The following JAZF1 variants were observed in gnomAD, a reference collection of about 807,000 sequenced individuals.
The protein encoded by JAZF1 is JAZF zinc finger 1, also known as juxtaposed with another zinc finger protein 1.
In JAZF1, 8 loss-of-function variants were observed where a neutral mutation model predicts 26.4. That is an observed-to-expected ratio of 0.30 (90% confidence interval 0.18 to 0.55). The LOEUF is 0.55. Among genes scored for constraint, JAZF1 ranks in the 20% least tolerant of loss-of-function variants. The pLI is 0.94. For missense variants in JAZF1, 199 were observed against 322.0 expected, an observed-to-expected ratio of 0.62 and a Z score of 2.92; for synonymous variants, 126 against 122.3, an observed-to-expected ratio of 1.03 and a Z score of -0.20.
At chr7:28,055,708 G>A (rs999466916) in intron 1 of JAZF1, among the ~76,000 whole-genome samples, 13 of 152,142 alleles carry the variant, frequency 8.5e-5, no homozygotes, top group Admixed American at 3.3e-4. Context: ...TTGGAAGAGC[G>A]GCTGGCACAT....
rs1340623634 is a variant in JAZF1 at position 27,831,164 on chromosome 7, G to GTGTT, written c.*1632_*1635dup. The GTGTT allele has an allele frequency of 2.6e-4, 58 of 223,410 alleles. No individual in the cohort carries two copies. The highest frequency in any genetic ancestry group is 3.5e-4 in the Non-Finnish European group (39 of 111,640). 13.8% of individuals were successfully genotyped at this position (223,410 alleles called of 1,614,324 possible). On this transcript the variant is annotated 3_prime_UTR_variant, in exon 5 of 5. Coordinates refer to ENST00000283928, the MANE Select transcript of JAZF1 (RefSeq NM_175061.4). ...GATCTGAGGAAATTTTTAGAGGGCA[G>GTGTT]TGTTTTTATAAATACTTTGAATCCC...
At chr7:27,896,645 A>G (rs916857) in intron 2 of JAZF1, among the ~76,000 whole-genome samples, 65,505 of 152,032 alleles carry the variant, frequency 0.43, 14,294 homozygotes, top group East Asian at 0.56. Context: ...CTCACTACAC[A>G]ATGAAGTTTT....
At chr7:27,944,972 A>G (rs1295595281) in intron 2 of JAZF1, among the ~76,000 whole-genome samples, 1 of 152,124 alleles carries the variant, frequency 6.6e-6, no homozygotes, top group East Asian at 1.9e-4. Context: ...GACTGGTAAT[A>G]CATTTCGGAG....
chr7:28,096,608 C>G (rs1784389443), intron 1 of JAZF1, among the ~76,000 whole-genome samples: 1 of 152,204 alleles, frequency 6.6e-6, no homozygotes, highest in Admixed American at 6.5e-5. Context: ...TAAAACAGAA[C>G]TGCAGCTCAA....
intron 3 of JAZF1, chr7:27,843,029 A>C (rs529330303): frequency 2.7e-4 from 41 of 152,262 alleles, no homozygotes; most frequent in Non-Finnish European, 5.7e-4. Flanking sequence ...TCTCAGGGGG[A>C]AGGCACGTGG....
intron 3 of JAZF1, among the ~76,000 whole-genome samples, chr7:27,854,102 T>C (rs1783201033): frequency 6.6e-6 from 1 of 152,262 alleles, no homozygotes; most frequent in Non-Finnish European, 1.5e-5. Flanking sequence ...TCTTGTTGCA[T>C]GGATCCCTTT....
At chr7:28,033,408 A>C (rs936008249) in intron 1 of JAZF1, among the ~76,000 whole-genome samples, 1 of 152,206 alleles carries the variant, frequency 6.6e-6, no homozygotes, top group African/African-American at 2.4e-5. Context: ...GAGACACTCC[A>C]GGACCCAAAA....
chr7:28,154,905 C>T (rs1445531817), intron 1 of JAZF1, among the ~76,000 whole-genome samples: 3 of 149,180 alleles, frequency 2.0e-5, no homozygotes, highest in African/African-American at 5.0e-5. Context: ...TCAAAATAGA[C>T]AAAACATACT....
chr7:28,159,265 G>C (rs1231057838), intron 1 of JAZF1, among the ~76,000 whole-genome samples: 1 of 151,652 alleles, frequency 6.6e-6, no homozygotes, highest in African/African-American at 2.4e-5. Flanking sequence ...GGGGTTGATG[G>C]GAACTCCCTG....
chr7:28,114,425 G>T (rs1392320398), intron 1 of JAZF1, among the ~76,000 whole-genome samples: 1 of 151,576 alleles, frequency 6.6e-6, no homozygotes, highest in Admixed American at 6.6e-5. Context: ...TGCTTGCAGG[G>T]AGGCTGGCTT....
At chr7:27,953,637 T>G (rs6958293) in intron 2 of JAZF1, among the ~76,000 whole-genome samples, 1 of 152,216 alleles carries the variant, frequency 6.6e-6, no homozygotes, top group African/African-American at 2.4e-5. Flanking sequence ...CGAGGTGGCA[T>G]GCACACACCT....
At chr7:27,995,505 C>T (rs767311163) in intron 1 of JAZF1, among the ~76,000 whole-genome samples, 18 of 152,192 alleles carry the variant, frequency 1.2e-4, no homozygotes, top group Middle Eastern at 3.4e-3. Flanking sequence ...CACTGTTTTC[C>T]GCCCTAGACT....
At chr7:27,987,569 G>A (rs1785754983) in intron 2 of JAZF1, among the ~76,000 whole-genome samples, 1 of 151,614 alleles carries the variant, frequency 6.6e-6, no homozygotes, top group African/African-American at 2.4e-5. Flanking sequence ...GAGGGAGGTG[G>A]GGGGCAGCCC....
intron 1 of JAZF1, among the ~76,000 whole-genome samples, chr7:28,005,095 T>C (rs144283115): frequency 6.6e-6 from 1 of 152,308 alleles, no homozygotes; most frequent in African/African-American, 2.4e-5. Context: ...AATCTTTGAA[T>C]TGTGATATGG....
chr7:27,936,198 G>C (rs982232763), intron 2 of JAZF1, among the ~76,000 whole-genome samples: 1 of 152,198 alleles, frequency 6.6e-6, no homozygotes, highest in Non-Finnish European at 1.5e-5. Context: ...TTAGGGAAAA[G>C]AGAGATGACA....
At chr7:28,016,132 T>C (rs1782887320) in intron 1 of JAZF1, among the ~76,000 whole-genome samples, 1 of 152,096 alleles carries the variant, frequency 6.6e-6, no homozygotes, top group African/African-American at 2.4e-5. Flanking sequence ...AGTTGGCCAT[T>C]TCCCTCTGCC....
intron 1 of JAZF1, among the ~76,000 whole-genome samples, chr7:28,109,377 T>C (rs1314788381): frequency 3.3e-5 from 5 of 152,076 alleles, no homozygotes; most frequent in East Asian, 1.9e-4. Flanking sequence ...CGGGGAAAAA[T>C]AAAATTGAAA....
At chr7:28,010,292 A>G (rs1782777080) in intron 1 of JAZF1, among the ~76,000 whole-genome samples, 1 of 152,016 alleles carries the variant, frequency 6.6e-6, no homozygotes, top group East Asian at 1.9e-4. Flanking sequence ...AGCAGCTGCT[A>G]TGCTCCACCT....
intron 1 of JAZF1, among the ~76,000 whole-genome samples, chr7:28,085,969 T>C (rs1304206341): frequency 4.6e-5 from 7 of 152,238 alleles, no homozygotes; most frequent in Non-Finnish European, 1.5e-5. Context: ...TCATGAGAAT[T>C]ACATGCATTT....
Sources: allele counts gnomAD v4.1 joint callset (sites outside exome capture counted in the v4.1 genomes callset), GRCh38; gene constraint gnomAD v4.1.1; transcripts MANE v1.5; gene names NCBI Gene and HGNC (gene_info 2026-07-23, HGNC 2026-07-21).